TNRC6B: variants seen among roughly 807,000 people sequenced by gnomAD.
The protein encoded by TNRC6B is trinucleotide repeat containing adaptor 6B.
In TNRC6B, 52 loss-of-function variants were observed where a neutral mutation model predicts 203.6. That is an observed-to-expected ratio of 0.26 (90% CI 0.20 to 0.32). The LOEUF is 0.32. TNRC6B is among the 10% of genes least tolerant of loss of function. TNRC6B has a pLI of 1.00. For missense variants in TNRC6B, 1,923 were observed against 2,286.2 expected (o/e 0.84, Z 3.24); for synonymous variants, 838 against 845.7 (o/e 0.99, Z 0.16).
chr22:40,058,765 G>GACACATTC (rs1300178135), intron 1 of TNRC6B, among the ~76,000 whole-genome samples: 1 of 152,072 alleles, frequency 6.6e-6, no homozygotes, highest in Non-Finnish European at 1.5e-5. Context: ...TTGAAATTCT[G>GACACATTC]ACACATTGAA....
intron 1 of TNRC6B, among the ~76,000 whole-genome samples, chr22:40,183,430 T>G (rs1397636337): frequency 1.3e-5 from 2 of 152,180 alleles, no homozygotes; most frequent in African/African-American, 4.8e-5. Context: ...TTTATTCAAG[T>G]CCCTACATTC....
intron 1 of TNRC6B, chr22:40,045,612 C>T (rs2067681192): frequency 6.6e-6 from 1 of 152,328 alleles, no homozygotes; most frequent in African/African-American, 2.4e-5. Flanking sequence ...ACACCCCTCG[C>T]CAGGGCCCTG....
intron 3 of TNRC6B, among the ~76,000 whole-genome samples, chr22:40,152,654 G>T (rs922560654): frequency 2.6e-5 from 4 of 152,116 alleles, no homozygotes; most frequent in Admixed American, 2.0e-4. Context: ...TGTATTTTTA[G>T]TAGAGATGGG....
intron 1 of TNRC6B, among the ~76,000 whole-genome samples, chr22:40,222,699 T>C (rs1373767125): frequency 6.7e-6 from 1 of 148,276 alleles, no homozygotes; most frequent in East Asian, 2.0e-4. Flanking sequence ...CCCCCATTGG[T>C]AACATCTTGC....
chr22:40,258,071 C>CTTTTTTTTTTTTTTTTTTTTTT (rs56078653), intron 3 of TNRC6B, among the ~76,000 whole-genome samples: 9 of 28,714 alleles, frequency 3.1e-4, no homozygotes, highest in East Asian at 1.9e-3. Flanking sequence ...GATACACAGC[C>CTTTTTTTTTTTTTTTTTTTTTT]TTTTTTTTTT....
chr22:40,154,102 G>GC (rs1417255470), intron 3 of TNRC6B, among the ~76,000 whole-genome samples: 8 of 151,436 alleles, frequency 5.3e-5, no homozygotes, highest in South Asian at 4.2e-4. Context: ...TCCTGCCTCT[G>GC]TCCCCCGAAG....
At chr22:40,200,963 A>G (rs1426612508) in intron 1 of TNRC6B, among the ~76,000 whole-genome samples, 1 of 152,004 alleles carries the variant, frequency 6.6e-6, no homozygotes, top group African/African-American at 2.4e-5. Context: ...ACTCAACTTC[A>G]CTGTGCCTCC....
chr22:40,321,179 C>A lies in TNRC6B; in HGVS notation c.5064C>A (p.Ile1688=), dbSNP rs372258410. 1 of 1,613,870 alleles carries A rather than the reference C, an allele frequency of 6.2e-7. No individual in the cohort carries two copies. The highest frequency in any genetic ancestry group is 1.3e-5 in the African/African-American group (1 of 74,926). ...HLNLTQGTAL[I]RYSTKQEAAK... is the part of the protein sequence containing the mutation. ...ATCTAACCCAGGGCACTGCCCTGAT[C>A]CGATACAGCACCAAACAGGAGGCGG... The change falls in exon 22 of 23, where the codon ATC becomes ATA. Residue 1688 remains isoleucine (I), a synonymous_variant. Transcript: ENST00000454349.
chr22:40,130,864 G>A (rs953354568), intron 3 of TNRC6B, among the ~76,000 whole-genome samples: 1 of 151,298 alleles, frequency 6.6e-6, no homozygotes, highest in African/African-American at 2.4e-5. Context: ...AGTTGTGCAA[G>A]TATAGATCAG....
At chr22:40,070,099 A>C (rs1190803658) in intron 1 of TNRC6B, among the ~76,000 whole-genome samples, 1 of 152,028 alleles carries the variant, frequency 6.6e-6, no homozygotes, top group Non-Finnish European at 1.5e-5. Context: ...TGTTAGTTTT[A>C]TGTCTTAGTT....
rs568063097 is a variant in TNRC6B at position 40,163,480 on chromosome 22, A to AAAACAAAC, written c.113+7298_113+7299insAAACAAAC. Among the ~76,000 whole-genome samples the AAAACAAAC allele has an allele frequency of 3.0e-5, 2 of 66,208 alleles. 1 individual carries two copies. The highest frequency in any genetic ancestry group is 5.7e-5 in the Non-Finnish European group (2 of 35,330). The allele number at this position is 66,208 out of a possible 152,430, so 43.4% of individuals were successfully genotyped here. A position where few individuals can be genotyped will look rare whatever the true frequency, so the allele number is the denominator to read the frequency against. ...TCAAAAAAAAAAAAAAAAAAAAAAA[A>AAAACAAAC]GGCCAGGCACGGTGGCTCACGCCTG... On this transcript the variant is annotated intron_variant, in intron 4 of 23. Coordinates refer to the TNRC6B transcript ENST00000301923.
intron 16 of TNRC6B, among the ~76,000 whole-genome samples, chr22:40,309,512 G>A (rs1373712045): frequency 5.3e-5 from 8 of 152,172 alleles, no homozygotes; most frequent in African/African-American, 1.9e-4. Context: ...ATTATCATTT[G>A]GTTTCATGGC....
intron 3 of TNRC6B, among the ~76,000 whole-genome samples, chr22:40,138,409 G>A (rs1198028040): frequency 6.6e-6 from 1 of 152,142 alleles, no homozygotes; most frequent in Non-Finnish European, 1.5e-5. Flanking sequence ...GGGATTACAG[G>A]CACACACCAC....
At chr22:40,154,616 GGATCACGA>G (rs986016234) in intron 3 of TNRC6B, among the ~76,000 whole-genome samples, 9 of 151,180 alleles carry the variant, frequency 6.0e-5, no homozygotes, top group Middle Eastern at 3.2e-3. Context: ...CGAGGCAGGT[GGATCACGA>G]GATCAGGAGA....
chr22:40,102,225 A>G (rs59156286), intron 1 of TNRC6B, among the ~76,000 whole-genome samples: 8,671 of 152,176 alleles, frequency 0.057, 795 homozygotes, highest in African/African-American at 0.19. Flanking sequence ...ACAAGGAGGG[A>G]GATATTGTGC....
intron 2 of TNRC6B, among the ~76,000 whole-genome samples, chr22:40,120,589 G>T (rs1413677314): frequency 2.0e-5 from 3 of 152,088 alleles, no homozygotes; most frequent in African/African-American, 7.2e-5. Flanking sequence ...GGAATAATTT[G>T]GAAGACAAGG....
chr22:40,271,326 T>G (rs1197109230), intron 6 of TNRC6B, among the ~76,000 whole-genome samples: 1 of 152,228 alleles, frequency 6.6e-6, no homozygotes, highest in Non-Finnish European at 1.5e-5. Flanking sequence ...GATTAAATAA[T>G]GAACATTTCT....
At chr22:40,062,503 C>G (rs2067862008) in intron 1 of TNRC6B, among the ~76,000 whole-genome samples, 1 of 152,194 alleles carries the variant, frequency 6.6e-6, no homozygotes, top group South Asian at 2.1e-4. Context: ...GCCACTGCCC[C>G]TGGCCATATA....
rs200106455 is a variant in TNRC6B at position 40,322,836 on chromosome 22, T to C, written c.5115-18T>C. The C allele has an allele frequency of 6.2e-6, 10 of 1,613,486 alleles. No individual in the cohort carries two copies. Among genetic ancestry groups the C allele is most frequent in the Non-Finnish European group, 8.5e-6 (10 of 1,179,846 alleles). On this transcript the variant is annotated intron_variant, in intron 22 of 22. Transcript: ENST00000454349. ...ATTTTCCTGAGATCCATAGCTCTCT[T>C]TCCCTCCCTTCTTCCAGGTGTGTGT...
Sources: gnomAD v4.1 joint callset for allele counts (sites outside exome capture counted in the v4.1 genomes callset) on GRCh38, gnomAD v4.1.1 for gene constraint, MANE v1.5 for transcripts, NCBI Gene and HGNC (gene_info 2026-07-23, HGNC 2026-07-21) for gene names.